Variants in TMEM108 observed in about 807,000 individuals in gnomAD.
TMEM108 encodes transmembrane protein 108.
Under a neutral mutation model 35.1 loss-of-function variants are expected in TMEM108, and 12 were observed. The ratio of observed to expected loss-of-function variants is 0.34; its 90% confidence interval spans 0.22 to 0.55. The LOEUF (loss-of-function observed/expected upper bound fraction) is 0.55, where lower values mean the gene tolerates loss of function less well. Among genes scored for constraint, TMEM108 ranks in the 20% least tolerant of loss-of-function variants. The probability of loss-of-function intolerance (pLI) is 0.89; values close to 1 mark genes in which losing one functional copy is unlikely to be tolerated. For missense variants in TMEM108, 680 were observed against 753.3 expected (o/e 0.90, Z 1.14); for synonymous variants, 287 against 308.6 (o/e 0.93, Z 0.73).
chr3:133,214,900 T>G (rs1576387731), intron 2 of TMEM108, among the ~76,000 whole-genome samples: 1 of 152,184 alleles, frequency 6.6e-6, no homozygotes, highest in East Asian at 1.9e-4. Context: ...TGCCAGATGA[T>G]CTGAGGTGGG....
chr3:133,067,830 G>A (rs552874466), intron 2 of TMEM108, among the ~76,000 whole-genome samples: 2 of 152,152 alleles, frequency 1.3e-5, no homozygotes, highest in African/African-American at 4.8e-5. Context: ...AAAGTAAGCT[G>A]GGTAATTTAT....
chr3:133,127,361 A>G (rs1944430215), intron 2 of TMEM108, among the ~76,000 whole-genome samples: 1 of 152,244 alleles, frequency 6.6e-6, no homozygotes, highest in African/African-American at 2.4e-5. Flanking sequence ...CAGCACAGAA[A>G]GGACTGCTTT....
intron 3 of TMEM108, among the ~76,000 whole-genome samples, chr3:133,233,725 C>T (rs13100302): frequency 0.97 from 139,449 of 143,096 alleles, 68,029 homozygotes; most frequent in East Asian, 1. Flanking sequence ...TTTTAATGAT[C>T]GCCATTCTAC....
chr3:133,395,802 T>C, intron 5 of TMEM108, 62 bp from the exon 6 acceptor site: 3 of 1,452,202 alleles, frequency 2.1e-6, no homozygotes, highest in Admixed American at 5.0e-5. Flanking sequence ...TACATTTCTT[T>C]AAGAATGGCC....
chr3:133,252,186 A>G (rs1013160383), intron 3 of TMEM108, among the ~76,000 whole-genome samples: 3 of 152,172 alleles, frequency 2.0e-5, no homozygotes, highest in Admixed American at 6.5e-5. Context: ...GAAAAGACTG[A>G]AAGAGAAAGA....
chr3:133,105,279 A>G (rs984854569), intron 2 of TMEM108, among the ~76,000 whole-genome samples: 9 of 152,088 alleles, frequency 5.9e-5, no homozygotes, highest in African/African-American at 1.7e-4. Context: ...GGTCATTCTC[A>G]GCTTCTAGAG....
chr3:133,042,762 CAG>C (rs1392540803), intron 1 of TMEM108, among the ~76,000 whole-genome samples: 1 of 152,168 alleles, frequency 6.6e-6, no homozygotes, highest in Non-Finnish European at 1.5e-5. Flanking sequence ...ACCAAGGTAA[CAG>C]AGCTAGTTAG....
chr3:133,127,362 G>A (rs975717408), intron 2 of TMEM108, among the ~76,000 whole-genome samples: 1 of 152,162 alleles, frequency 6.6e-6, no homozygotes, highest in African/African-American at 2.4e-5. Context: ...AGCACAGAAA[G>A]GACTGCTTTC....
rs1329129886 is a variant in TMEM108 at position 133,293,229 on chromosome 3, C to CT, written c.40+63879dup. ...ATCCAGCCTCCAACTTTCTTCAACACTGAGTCCACAGATGAATCAATCATG... is the reference window on the plus strand; with the variant it reads ...ATCCAGCCTCCAACTTTCTTCAACACTTGAGTCCACAGATGAATCAATCATG... On this transcript the variant is annotated intron_variant, in intron 3 of 5. Transcript: ENST00000321871. 2.6e-5 allele frequency among the ~76,000 whole-genome samples: 4 copies of CT among 152,096 alleles called. No individual in the cohort carries two copies. In the East Asian group the frequency reaches 7.8e-4, roughly 30 times the overall value.
intron 3 of TMEM108, among the ~76,000 whole-genome samples, chr3:133,288,140 A>T (rs1180988295): frequency 2.0e-5 from 3 of 152,234 alleles, no homozygotes; most frequent in African/African-American, 7.2e-5. Flanking sequence ...GAACAACTAG[A>T]TAAATTAGTA....
At chr3:133,142,438 G>T (rs1314568458) in intron 2 of TMEM108, among the ~76,000 whole-genome samples, 2 of 152,158 alleles carry the variant, frequency 1.3e-5, no homozygotes, top group Non-Finnish European at 2.9e-5. Context: ...TCAGCTGGAG[G>T]AACAAGAGCA....
intron 3 of TMEM108, among the ~76,000 whole-genome samples, chr3:133,354,998 G>C (rs190265684): frequency 4.7e-4 from 72 of 152,160 alleles, no homozygotes; most frequent in Non-Finnish European, 8.5e-4. Flanking sequence ...TGAACTCATG[G>C]GAGGAAGGGT....
chr3:133,070,419 C>T (rs776127104), intron 2 of TMEM108, among the ~76,000 whole-genome samples: 4 of 152,118 alleles, frequency 2.6e-5, no homozygotes, highest in Non-Finnish European at 5.9e-5. Flanking sequence ...GCTGCTGCTG[C>T]CTTTCTCTCC....
At chr3:133,157,981 T>G (rs1336687541) in intron 2 of TMEM108, among the ~76,000 whole-genome samples, 1 of 152,210 alleles carries the variant, frequency 6.6e-6, no homozygotes, top group Non-Finnish European at 1.5e-5. Flanking sequence ...AGATTAACCC[T>G]TCTTTTTGGA....
intron 2 of TMEM108, among the ~76,000 whole-genome samples, chr3:133,122,820 G>A (rs544698309): frequency 4.9e-5 from 7 of 142,144 alleles, no homozygotes; most frequent in South Asian, 4.5e-4. Context: ...CTGAGATCAC[G>A]CCACTGTACT....
rs527662115 is a variant in TMEM108 at position 133,257,998 on chromosome 3, A to G, written c.40+28647A>G. On this transcript the variant is annotated intron_variant, in intron 3 of 5. Transcript: ENST00000321871. ...TCCTGAGTCCCATAGTGAAAATACC[A>G]TTTATAACCTGCTGTAGACTGTATG... Among the ~76,000 whole-genome samples, 38 of 152,228 alleles carry G rather than the reference A, an allele frequency of 2.5e-4. No individual in the cohort carries two copies. In the South Asian group the frequency reaches 7.7e-3, roughly 31 times the overall value.
At chr3:133,105,611 C>T (rs2107719169) in intron 2 of TMEM108, among the ~76,000 whole-genome samples, 1 of 148,328 alleles carries the variant, frequency 6.7e-6, no homozygotes, top group South Asian at 2.2e-4. Context: ...CAACAGGAAA[C>T]CTTGGGGGTA....
At chr3:133,264,669 T>G (rs1946672586) in intron 3 of TMEM108, among the ~76,000 whole-genome samples, 1 of 152,118 alleles carries the variant, frequency 6.6e-6, no homozygotes, top group South Asian at 2.1e-4. Flanking sequence ...GAACAGTCCA[T>G]GAAGCAAGTA....
In TMEM108 at chr3:133,380,268, C is replaced by T. The variant is rs781505834; in HGVS notation, c.557C>T (p.Ala186Val). 10 of 1,614,112 alleles carry T rather than the reference C, an allele frequency of 6.2e-6. No homozygotes were observed. Among genetic ancestry groups the T allele is most frequent in the Non-Finnish European group, 8.5e-6 (10 of 1,179,996 alleles). Residue 186 changes from alanine (A) to valine (V), a missense_variant, in exon 4 of 6, where the codon GCA becomes GTA. Transcript: ENST00000321871. The surrounding 1 kb of genome is among the most constrained non-coding windows in gnomAD (Gnocchi z 5.3). ...AGNSSRPVPP[A>V]PGGHSRSKEG... ...AATTCATCACGCCCTGTCCCGCCTG[C>T]ACCTGGTGGCCACTCCAGGAGTAAA... is the stretch of plus-strand genomic sequence containing the variant.
Sources: gnomAD v4.1 joint callset for allele counts (sites outside exome capture counted in the v4.1 genomes callset) on GRCh38, gnomAD v4.1.1 for gene constraint, Gnocchi (gnomAD v3.1) non-coding constraint, MANE v1.5 for transcripts, NCBI Gene and HGNC (gene_info 2026-07-23, HGNC 2026-07-21) for gene names.